The following GPR153 variants were observed in gnomAD, a reference collection of about 807,000 sequenced individuals.
GPR153 encodes G protein-coupled receptor 153.
GPR153 carries 27 observed loss-of-function variants against 34.1 expected under a neutral mutation model. The ratio of observed to expected loss-of-function variants is 0.79; its 90% CI spans 0.58 to 1.09. GPR153 has a LOEUF of 1.09. GPR153 is among the 50% of genes least tolerant of loss of function. GPR153 has a pLI of 0.00. For missense variants in GPR153, 848 were observed against 860.2 expected (o/e 0.99, Z 0.18); for synonymous variants, 408 against 405.4 (o/e 1.01, Z -0.08).
intron 1 of GPR153, among the ~76,000 whole-genome samples, chr1:6,260,046 C>T (rs1638636590): frequency 6.6e-6 from 1 of 152,232 alleles, no homozygotes; most frequent in African/African-American, 2.4e-5. Context: ...TGCAACTAGC[C>T]TGGGACCCAC....
rs116308161 is a variant in GPR153 at position 6,255,731 on chromosome 1, T to C, written c.-109-717A>G. ...GCAATGGCATGATCTTGGCTCACTA[T>C]AACCTTCACCTCCTGCGTTCAAGCA... On this transcript the variant is annotated intron_variant, in intron 1 of 5. Coordinates refer to ENST00000377893, the MANE Select transcript of GPR153 (RefSeq NM_207370.4). Among the ~76,000 whole-genome samples, 1,295 of 138,962 alleles carry C rather than the reference T, an allele frequency of 9.3e-3. 19 individuals are homozygous for C. Among genetic ancestry groups the C allele is most frequent in the African/African-American group, 0.031 (1,201 of 38,260 alleles). The allele number at this position is 138,962 out of a possible 152,430, so 91.2% of individuals were successfully genotyped here. A position where few individuals can be genotyped will look rare whatever the true frequency, so the allele number is the denominator to read the frequency against.
intron 1 of GPR153, among the ~76,000 whole-genome samples, chr1:6,256,340 T>A (rs1250284054): frequency 3.3e-5 from 5 of 151,658 alleles, no homozygotes; most frequent in African/African-American, 7.3e-5. Context: ...AAAAAAAAAA[T>A]TTATATATGT....
At chr1:6,259,882 C>G (rs921465775) in intron 1 of GPR153, among the ~76,000 whole-genome samples, 1 of 152,126 alleles carries the variant, frequency 6.6e-6, no homozygotes, top group African/African-American at 2.4e-5. Context: ...ACAGTGCCGA[C>G]GGGACCCAGT....
chr1:6,258,912 C>A (rs201633394), intron 1 of GPR153, among the ~76,000 whole-genome samples: 1 of 152,230 alleles, frequency 6.6e-6, no homozygotes, highest in Non-Finnish European at 1.5e-5. Context: ...CAGCCCTTCG[C>A]GGTGCCAGTT....
chr1:6,253,635 G>A, intron 3 of GPR153, 83 bp downstream of exon 3: 6 of 1,234,212 alleles, frequency 4.9e-6, no homozygotes, highest in Non-Finnish European at 6.7e-6. Flanking sequence ...TGGGTCTGAG[G>A]ACTCAACCAC....
chr1:6,254,618 G>A lies in GPR153; in HGVS notation c.288C>T (p.Ala96=). 1 of 1,611,182 alleles carries A rather than the reference G, an allele frequency of 6.2e-7. No homozygotes were observed. Among genetic ancestry groups the A allele is most frequent in the Non-Finnish European group, 8.5e-7 (1 of 1,178,330 alleles). ...FVSTFYTLTL[A]TCFSVTSLSY... is the part of the protein sequence containing the mutation. ...AGAGGGAGGTGACAGAGAAACAGGT[G>A]GCCAGGGTGAGGGTGTAGAAGGTGG... The change falls in exon 2 of 6, where the codon GCC becomes GCT. Residue 96 remains alanine (A), a synonymous_variant. Transcript: ENST00000377893.
chr1:6,251,543 G>T lies in GPR153; in HGVS notation c.787-13C>A. 1 of 1,567,948 alleles carries T rather than the reference G, an allele frequency of 6.4e-7. No homozygotes were observed. The highest frequency in any genetic ancestry group is 1.8e-5 in the Admixed American group (1 of 55,682). ...TGAAGCTCACCACCTGTGGGCACAG[G>T]GCTCGGCCTGGCACCTGCAGGACCC... On this transcript the variant is annotated splice_polypyrimidine_tract_variant and intron_variant, in intron 3 of 5. Transcript: ENST00000377893. This position sits in a 1 kb window ranked among gnomAD's most constrained non-coding sequence, Gnocchi z 4.9.
chr1:6,249,587 G>A lies in GPR153; in HGVS notation c.1581C>T (p.Ala527=). 8.6e-7 allele frequency: 1 copy of A among 1,165,386 alleles called. No homozygotes were observed. 72.2% of individuals were successfully genotyped at this position (1,165,386 alleles called of 1,614,324 possible). Residue 527 remains alanine (A), a synonymous_variant, in exon 6 of 6, where the codon GCC becomes GCT. Transcript: ENST00000377893. The surrounding 1 kb of genome is among the most constrained non-coding windows in gnomAD (Gnocchi z 4.3). ...RPPGPFPAAP[A]APDGADPGEA... is the part of the protein sequence containing the mutation. ...CTCCGGGATCTGCGCCGTCGGGGGCGGCGGGCGCAGCGGGGAAGGGCCCGG... is the reference window on the plus strand; with the variant it reads ...CTCCGGGATCTGCGCCGTCGGGGGCAGCGGGCGCAGCGGGGAAGGGCCCGG...
chr1:6,252,693 G>A lies in GPR153; in HGVS notation c.786+1025C>T, dbSNP rs534136489. Among the ~76,000 whole-genome samples the A allele has an allele frequency of 6.6e-5, 10 of 152,292 alleles. 1 individual carries two copies. Among genetic ancestry groups the A allele is most frequent in the Non-Finnish European group, 1.3e-4 (9 of 68,028 alleles). On this transcript the variant is annotated intron_variant, in intron 3 of 5. Transcript: ENST00000377893. Reference sequence around the variant, plus strand: ...AGGCAGTCTTGCCTGCTGCTTGGATGAAACCCCTCAGGCTGGTCTTTGCCC... The same window carrying A: ...AGGCAGTCTTGCCTGCTGCTTGGATAAAACCCCTCAGGCTGGTCTTTGCCC...
chr1:6,259,288 G>A (rs1638623668), intron 1 of GPR153, among the ~76,000 whole-genome samples: 1 of 152,248 alleles, frequency 6.6e-6, no homozygotes, highest in South Asian at 2.1e-4. Context: ...TAGGTCTGTG[G>A]GCAGGGGCAC....
At chr1:6,252,305 G>A (rs937645267) in intron 3 of GPR153, among the ~76,000 whole-genome samples, 1 of 152,150 alleles carries the variant, frequency 6.6e-6, no homozygotes, top group Admixed American at 6.5e-5. Flanking sequence ...TGAAGACTCC[G>A]GACGCTTTAT....
Position 6,249,493 on chromosome 1 carries a change from C to A in GPR153, c.1675G>T (p.Gly559Cys). Reference protein sequence around the residue: ...GPRPSAHSHAGSLRPGLSASW... With the variant: ...GPRPSAHSHACSLRPGLSASW... Reference sequence around the variant, plus strand: ...GCGCTCAGGCCGGGGCGCAGAGAGCCGGCGTGCGAGTGCGCAGAGGGGCGT... The same window carrying A: ...GCGCTCAGGCCGGGGCGCAGAGAGCAGGCGTGCGAGTGCGCAGAGGGGCGT... The change falls in exon 6 of 6, where the codon GGC (glycine) becomes TGC (cysteine). Residue 559 changes from glycine (G) to cysteine (C), a missense_variant. By Grantham distance (159) the Gly-to-Cys change is radical. Transcript: ENST00000377893. The surrounding 1 kb of genome is among the most constrained non-coding windows in gnomAD (Gnocchi z 4.3). 1 of 1,276,568 alleles carries A rather than the reference C, an allele frequency of 7.8e-7. No individual in the cohort carries two copies. Among genetic ancestry groups the A allele is most frequent in the Non-Finnish European group, 9.8e-7 (1 of 1,017,214 alleles). 79.1% of individuals were successfully genotyped at this position (1,276,568 alleles called of 1,614,324 possible). A position where few individuals can be genotyped will look rare whatever the true frequency, so the allele number is the denominator to read the frequency against.
Position 6,253,787 on chromosome 1 carries a change from A to C in GPR153, c.717T>G (p.Ser239=). The part of the protein sequence containing the change: ...SIDGSEPAKT[S]LQTTGLVTTI... Reference sequence around the variant, plus strand: ...TGGTCACGAGGCCCGTGGTCTGCAGAGAGGTTTTGGCGGGCTCCGAGCCAT... The same window carrying C: ...TGGTCACGAGGCCCGTGGTCTGCAGCGAGGTTTTGGCGGGCTCCGAGCCAT... The change falls in exon 3 of 6, where the codon TCT becomes TCG. Residue 239 remains serine (S), a synonymous_variant. Coordinates refer to ENST00000377893, the MANE Select transcript of GPR153 (RefSeq NM_207370.4). 6.4e-7 allele frequency: 1 copy of C among 1,562,884 alleles called. No individual in the cohort carries two copies. Among genetic ancestry groups the C allele is most frequent in the South Asian group, 1.2e-5 (1 of 83,064 alleles).
Position 6,253,838 on chromosome 1 carries a change from C to T in GPR153, c.666G>A (p.Ala222=), listed in dbSNP as rs761890147. The T allele has an allele frequency of 4.4e-6, 7 of 1,601,146 alleles. No homozygotes were observed. The Admixed American group carries it at 5.1e-5, about 12-fold the overall frequency. ...CGATGGAGGAGCGCCGCTTGCCCTG[C>T]GCGTCCTCCACCACGATGGTGGGCA... ...FTVPTIVVED[A]QGKRRSSIDG... The change falls in exon 3 of 6, where the codon GCG becomes GCA. Residue 222 remains alanine, a synonymous_variant. Coordinates refer to ENST00000377893, the MANE Select transcript of GPR153 (RefSeq NM_207370.4).
In GPR153 at chr1:6,253,777, T is replaced by C; in HGVS notation, c.727A>G (p.Thr243Ala). 1 of 1,551,060 alleles carries C rather than the reference T, an allele frequency of 6.4e-7. No homozygotes were observed. The highest frequency in any genetic ancestry group is 8.7e-7 in the Non-Finnish European group (1 of 1,146,402). The part of the protein sequence containing the change: ...SEPAKTSLQT[T>A]GLVTTIVFIY... ...AAGACTATGGTGGTCACGAGGCCCG[T>C]GGTCTGCAGAGAGGTTTTGGCGGGC... Residue 243 changes from threonine (T) to alanine (A), a missense_variant, in exon 3 of 6, where the codon ACG becomes GCG. Coordinates refer to ENST00000377893, the MANE Select transcript of GPR153 (RefSeq NM_207370.4).
In GPR153 at chr1:6,253,874, G is replaced by C; in HGVS notation, c.630C>G (p.Arg210=). 4 of 1,601,822 alleles carry C rather than the reference G, an allele frequency of 2.5e-6. No homozygotes were observed. Among genetic ancestry groups the C allele is most frequent in the Non-Finnish European group, 2.6e-6 (3 of 1,173,336 alleles). The change falls in exon 3 of 6, where the codon CGC becomes CGG. Residue 210 remains arginine (R), a synonymous_variant. Coordinates refer to ENST00000377893, the MANE Select transcript of GPR153 (RefSeq NM_207370.4). ...AVQVGRQADR[R]AFTVPTIVVE... ...CCACGATGGTGGGCACGGTGAAGGC[G>C]CGGCGGTCGGCCTGGCGCCCCACCT...
In GPR153 at chr1:6,249,667, C is replaced by A; in HGVS notation, c.1501G>T (p.Asp501Tyr). 4 of 1,071,528 alleles carry A rather than the reference C, an allele frequency of 3.7e-6. No individual in the cohort carries two copies. The highest frequency in any genetic ancestry group is 4.5e-6 in the Non-Finnish European group (4 of 887,230). 66.4% of individuals were successfully genotyped at this position (1,071,528 alleles called of 1,614,324 possible). Residue 501 changes from aspartate to tyrosine, a missense_variant, in exon 6 of 6, where the codon GAC becomes TAC. Asp to Tyr is a radical substitution (Grantham distance 160, BLOSUM62 -3). Transcript: ENST00000377893. This position sits in a 1 kb window ranked among gnomAD's most constrained non-coding sequence, Gnocchi z 4.3. ...PRSASASLLP[D>Y]AFALTAFECE... ...TCGAAGGCGGTCAGGGCGAAGGCGT[C>A]GGGCAGCAGCGAGGCCGAGGCGGAG...
At chr1:6,250,282 C>A (rs1243593431) in intron 5 of GPR153, 158 bp downstream of exon 5, 1 of 985,298 alleles carries the variant, frequency 1.0e-6, no homozygotes, top group East Asian at 1.1e-4. Context: ...GGCCCACCCA[C>A]ACAAGCTGTG....
chr1:6,260,154 T>C (rs547923808), intron 1 of GPR153, among the ~76,000 whole-genome samples: 1 of 152,132 alleles, frequency 6.6e-6, no homozygotes, highest in East Asian at 1.9e-4. Flanking sequence ...CGAGGCCCCA[T>C]TGCGCAACAA....
Sources: gnomAD v4.1 joint callset for allele counts (sites outside exome capture counted in the v4.1 genomes callset) on GRCh38, gnomAD v4.1.1 for gene constraint, Gnocchi (gnomAD v3.1) non-coding constraint, MANE v1.5 for transcripts, NCBI Gene and HGNC (gene_info 2026-07-23, HGNC 2026-07-21) for gene names.